Variants in XIRP2 observed in about 807,000 individuals in gnomAD.
XIRP2 encodes the protein xin actin binding repeat containing 2.
XIRP2 carries 236 observed loss-of-function variants against 277.0 expected under a neutral mutation model. The observed-to-expected ratio is 0.85, with a 90% CI of 0.77 to 0.95. The LOEUF is 0.95. Ranked by LOEUF, XIRP2 falls within the 40% of genes least tolerant of loss-of-function variation. The pLI, the probability that XIRP2 is intolerant of heterozygous loss-of-function variation, is 0.00. For missense variants in XIRP2, 4,640 were observed against 4,157.5 expected, an observed-to-expected ratio of 1.12 and a Z score of -3.19; for synonymous variants, 1,490 against 1,416.5, an observed-to-expected ratio of 1.05 and a Z score of -1.17.
intron 2 of XIRP2, among the ~76,000 whole-genome samples, chr2:167,026,422 G>C (rs908471936): frequency 6.6e-6 from 1 of 152,056 alleles, no homozygotes; most frequent in Non-Finnish European, 1.5e-5. Flanking sequence ...TTTCCAGTCT[G>C]TGTCTTTTAA....
chr2:166,897,699 T>C (rs1684279054), intron 1 of XIRP2, among the ~76,000 whole-genome samples: 1 of 152,100 alleles, frequency 6.6e-6, no homozygotes, highest in African/African-American at 2.4e-5. Context: ...AAGGTGTGGT[T>C]CAGCCCATGG....
chr2:167,083,140 C>T (rs957193220), intron 2 of XIRP2, among the ~76,000 whole-genome samples: 6 of 152,154 alleles, frequency 3.9e-5, no homozygotes, highest in Non-Finnish European at 5.9e-5. Context: ...AGGAAGGGAT[C>T]CAGTTTCAGC....
chr2:167,209,814 A>T (rs1430808818), intron 3 of XIRP2, among the ~76,000 whole-genome samples: 1 of 152,078 alleles, frequency 6.6e-6, no homozygotes, highest in East Asian at 1.9e-4. Flanking sequence ...GGAGAATCAC[A>T]TAACAATGGA....
chr2:166,956,998 C>A (rs952672856), intron 2 of XIRP2, among the ~76,000 whole-genome samples: 3 of 151,770 alleles, frequency 2.0e-5, no homozygotes, highest in Admixed American at 1.3e-4. Context: ...TGAAATTTTG[C>A]TTTATTATAT....
rs1346093936 is a variant in XIRP2, at chr2:167,251,071, A to G, written c.9679A>G (p.Ile3227Val). Residue 3227 changes from isoleucine to valine, a missense_variant, in exon 9 of 11, where the codon ATA becomes GTA. Coordinates refer to ENST00000409195, the MANE Select transcript of XIRP2 (RefSeq NM_152381.6). ...TGCAACACTTCGTCGTCAAATTAAG[A>G]TAGAAACTCGTGGTAGGGACTCTCC... ...SPATLRRQIK[I>V]ETRGRDSPPT... 31 of 1,613,668 alleles carry G rather than the reference A, an allele frequency of 1.9e-5. No individual in the cohort carries two copies. The highest frequency in any genetic ancestry group is 2.5e-5 in the Non-Finnish European group (29 of 1,179,752).
At chr2:166,888,773 G>C (rs1684020437) in intron 1 of XIRP2, among the ~76,000 whole-genome samples, 1 of 152,116 alleles carries the variant, frequency 6.6e-6, no homozygotes, top group Non-Finnish European at 1.5e-5. Context: ...TTATTCATTT[G>C]TTTTTCTAAC....
chr2:166,979,372 T>TTCTTA (rs1686801993), intron 2 of XIRP2, among the ~76,000 whole-genome samples: 1 of 131,500 alleles, frequency 7.6e-6, no homozygotes, highest in Admixed American at 7.2e-5. Flanking sequence ...TTCTTTTCTT[T>TTCTTA]TTTTTTTTTT....
chr2:167,061,272 A>G (rs1303851820), intron 2 of XIRP2, among the ~76,000 whole-genome samples: 1 of 152,112 alleles, frequency 6.6e-6, no homozygotes, highest in African/African-American at 2.4e-5. Context: ...GAATTTCTAC[A>G]TGAACAATCA....
intron 3 of XIRP2, among the ~76,000 whole-genome samples, chr2:167,148,126 A>G (rs545915040): frequency 3.2e-4 from 48 of 152,254 alleles, no homozygotes; most frequent in Admixed American, 1.3e-3. Context: ...TCACGACTGT[A>G]ACCTCAGCAC....
At chr2:167,108,608 T>A (rs1223018307) in intron 2 of XIRP2, among the ~76,000 whole-genome samples, 1 of 152,072 alleles carries the variant, frequency 6.6e-6, no homozygotes, top group African/African-American at 2.4e-5. Context: ...TAAATTTAAA[T>A]CCTTTTCAAA....
rs550612625 is a variant in XIRP2 at position 166,978,452 on chromosome 2, T to G, written c.408+74562T>G. 7.9e-5 allele frequency among the ~76,000 whole-genome samples: 12 copies of G among 152,312 alleles called. No individual in the cohort carries two copies. The South Asian group carries it at 2.5e-3, about 32-fold the overall frequency. ...AGGCTAGGGTTGTGTAAAATTAATA[T>G]ATTAGTTTGGAGAGAATTGACAACT... is the stretch of plus-strand genomic sequence containing the variant. On this transcript the variant is annotated intron_variant, in intron 2 of 10. Coordinates refer to ENST00000409195, the MANE Select transcript of XIRP2 (RefSeq NM_152381.6).
At chr2:166,941,240 A>G (rs75048923) in intron 2 of XIRP2, among the ~76,000 whole-genome samples, 8 of 152,192 alleles carry the variant, frequency 5.3e-5, no homozygotes, top group African/African-American at 1.9e-4. Flanking sequence ...GGGACTGTCC[A>G]AGCCATGCAT....
rs1190032204 is a variant in XIRP2, at chr2:166,970,884, A to C, written c.408+66994A>C. The stretch of plus-strand genomic sequence containing the variant: ...AAGGTCTTAATAATGAAAACAACAT[A>C]AATAAATGAATGAAATGTACAAAGG... On this transcript the variant is annotated intron_variant, in intron 2 of 10. Transcript: ENST00000409195. Among the ~76,000 whole-genome samples, 5 of 152,012 alleles carry C rather than the reference A, an allele frequency of 3.3e-5. No individual in the cohort carries two copies. The East Asian group carries it at 9.6e-4, about 29-fold the overall frequency.
intron 2 of XIRP2, among the ~76,000 whole-genome samples, chr2:167,113,479 G>C (rs899284341): frequency 6.6e-6 from 1 of 151,888 alleles, no homozygotes; most frequent in Non-Finnish European, 1.5e-5. Flanking sequence ...CTGCTTTTTT[G>C]TTTTCCATTT....
At chr2:166,949,385 T>G (rs1685968794) in intron 2 of XIRP2, among the ~76,000 whole-genome samples, 1 of 151,992 alleles carries the variant, frequency 6.6e-6, no homozygotes, top group South Asian at 2.1e-4. Context: ...CCTTATGAAG[T>G]GTTATAGTAG....
intron 3 of XIRP2, among the ~76,000 whole-genome samples, chr2:167,161,971 T>C (rs774902986): frequency 6.6e-6 from 1 of 152,098 alleles, no homozygotes; most frequent in Non-Finnish European, 1.5e-5. Flanking sequence ...CTAAATCATC[T>C]CTCTCAAGTT....
rs749471067 is a variant in XIRP2 at position 167,243,489 on chromosome 2, A to G, written c.2097A>G (p.Gln699=). ...CTGTGAGATACATGTTTGAAACTCAACATCTAGATCAACTTGGACAGCTTC... is the reference window on the plus strand; with the variant it reads ...CTGTGAGATACATGTTTGAAACTCAGCATCTAGATCAACTTGGACAGCTTC... ...VKTVRYMFET[Q]HLDQLGQLHS... is the part of the protein sequence containing the mutation. Residue 699 remains glutamine, a synonymous_variant, in exon 9 of 11, where the codon CAA becomes CAG. Coordinates refer to ENST00000409195, the MANE Select transcript of XIRP2 (RefSeq NM_152381.6). The G allele has an allele frequency of 6.1e-5, 98 of 1,613,984 alleles. No individual in the cohort carries two copies. Among genetic ancestry groups the G allele is most frequent in the Non-Finnish European group, 8.0e-5 (94 of 1,179,988 alleles).
At chr2:166,920,296 T>A (rs548139918) in intron 2 of XIRP2, among the ~76,000 whole-genome samples, 1 of 152,054 alleles carries the variant, frequency 6.6e-6, no homozygotes, top group African/African-American at 2.4e-5. Context: ...ACACCATTGG[T>A]AAGTAATAGA....
At chr2:167,029,410 A>G (rs1415293251) in intron 2 of XIRP2, among the ~76,000 whole-genome samples, 1 of 152,098 alleles carries the variant, frequency 6.6e-6, no homozygotes, top group Non-Finnish European at 1.5e-5. Context: ...AGTTTTTAGC[A>G]TGAAGCAGTG....
Sources: allele counts gnomAD v4.1 joint callset (sites outside exome capture counted in the v4.1 genomes callset), GRCh38; gene constraint gnomAD v4.1.1; transcripts MANE v1.5; gene names NCBI Gene and HGNC (gene_info 2026-07-23, HGNC 2026-07-21).